The following FBXO28 variants were observed in gnomAD, a reference collection of about 807,000 sequenced individuals.
The protein encoded by FBXO28 is F-box only protein 28.
FBXO28 carries 8 observed loss-of-function variants against 38.1 expected under a neutral mutation model. The observed-to-expected ratio is 0.21, with a 90% CI of 0.12 to 0.38. The LOEUF (loss-of-function observed/expected upper bound fraction) is 0.38, where lower values mean the gene tolerates loss of function less well. Ranked by LOEUF, FBXO28 falls within the 10% of genes least tolerant of loss-of-function variation. The pLI, the probability that FBXO28 is intolerant of heterozygous loss-of-function variation, is 1.00. For synonymous variants in FBXO28, 168 were observed against 173.8 expected (o/e 0.97, Z 0.26); for missense variants, 345 against 460.6 (o/e 0.75, Z 2.30).
At chr1:224,117,164 G>GGT (rs1656660451) in intron 1 of FBXO28, among the ~76,000 whole-genome samples, 1 of 89,302 alleles carries the variant, frequency 1.1e-5, no homozygotes, top group Non-Finnish European at 2.0e-5. Flanking sequence ...AAATAAATTG[G>GGT]ATTTTTTTTT....
intron 1 of FBXO28, among the ~76,000 whole-genome samples, chr1:224,126,390 A>G (rs2102613882): frequency 6.6e-6 from 1 of 152,244 alleles, no homozygotes; most frequent in East Asian, 1.9e-4. Flanking sequence ...TTGCTGCTAA[A>G]AATTATTTCT....
chr1:224,129,609 A>G (rs1169434654), intron 1 of FBXO28, among the ~76,000 whole-genome samples: 5 of 152,234 alleles, frequency 3.3e-5, no homozygotes, highest in Non-Finnish European at 5.9e-5. Context: ...ATGGGAATAC[A>G]TTCAGAATGT....
chr1:224,133,023 T>G (rs1040061587), intron 2 of FBXO28, among the ~76,000 whole-genome samples: 3 of 152,158 alleles, frequency 2.0e-5, no homozygotes, highest in Non-Finnish European at 4.4e-5. Context: ...AAACAAAGTA[T>G]GATATATCTG....
intron 1 of FBXO28, among the ~76,000 whole-genome samples, chr1:224,125,695 G>A (rs1345223881): frequency 1.3e-5 from 2 of 149,008 alleles, no homozygotes; most frequent in Non-Finnish European, 3.0e-5. Context: ...AGGCTGGAGT[G>A]CATTGGTGCC....
At chr1:224,118,739 A>G (rs1025588244) in intron 1 of FBXO28, among the ~76,000 whole-genome samples, 1 of 152,206 alleles carries the variant, frequency 6.6e-6, no homozygotes, top group African/African-American at 2.4e-5. Context: ...TAAGTAGGCA[A>G]GCTGTCTTGT....
intron 1 of FBXO28, among the ~76,000 whole-genome samples, chr1:224,114,712 C>G (rs552047329): frequency 1.3e-5 from 2 of 150,010 alleles, no homozygotes. Flanking sequence ...CCGCCTGGCC[C>G]GAGAGTAGAC....
intron 3 of FBXO28, among the ~76,000 whole-genome samples, chr1:224,136,101 GTT>G (rs397982996): frequency 2.7e-5 from 2 of 75,130 alleles, no homozygotes; most frequent in East Asian, 4.6e-4. Context: ...GTTGACTTCA[GTT>G]TTTTTTTTTT....
chr1:224,145,028 T>G (rs1442539927), intron 3 of FBXO28, among the ~76,000 whole-genome samples: 1 of 151,964 alleles, frequency 6.6e-6, no homozygotes, highest in Non-Finnish European at 1.5e-5. Flanking sequence ...ACACCTATAA[T>G]CCTAGCACTT....
Position 224,157,597 on chromosome 1 carries a change from C to T in FBXO28, c.958C>T (p.Leu320=). Residue 320 remains leucine (L), a synonymous_variant, in exon 5 of 5, where the codon CTA becomes TTA. Coordinates refer to ENST00000366862, the MANE Select transcript of FBXO28 (RefSeq NM_015176.4). Reference sequence around the variant, plus strand: ...TGAACAAAATGCACGGTTGGCAGAGCTAGAACGCAAACTACGAGAAGTAAT... The same window carrying T: ...TGAACAAAATGCACGGTTGGCAGAGTTAGAACGCAAACTACGAGAAGTAAT... The part of the protein sequence containing the change: ...IGEQNARLAE[L]ERKLREVMES... 6.2e-7 allele frequency: 1 copy of T among 1,614,254 alleles called. No homozygotes were observed. The highest frequency in any genetic ancestry group is 8.5e-7 in the Non-Finnish European group (1 of 1,180,048).
intron 3 of FBXO28, among the ~76,000 whole-genome samples, chr1:224,140,527 T>C (rs569209409): frequency 9.8e-5 from 15 of 152,338 alleles, no homozygotes; most frequent in South Asian, 4.1e-4. Flanking sequence ...TTGATTTTAA[T>C]GTGGCGATAC....
chr1:224,152,388 G>A (rs1380335547), intron 3 of FBXO28, among the ~76,000 whole-genome samples: 5 of 152,160 alleles, frequency 3.3e-5, no homozygotes, highest in African/African-American at 9.7e-5. Flanking sequence ...TTCAGGTTTG[G>A]AGGATTAATA....
chr1:224,128,910 C>T (rs1227464478), intron 1 of FBXO28, among the ~76,000 whole-genome samples: 1 of 138,986 alleles, frequency 7.2e-6, no homozygotes, highest in Non-Finnish European at 1.5e-5. Flanking sequence ...TGCTTGTGCC[C>T]AGGGATAGGA....
chr1:224,132,357 C>T (rs1341360136), intron 2 of FBXO28, among the ~76,000 whole-genome samples: 4 of 152,142 alleles, frequency 2.6e-5, no homozygotes, highest in Non-Finnish European at 5.9e-5. Context: ...CAGGGGAATG[C>T]AAATCAAAAC....
chr1:224,142,292 C>T (rs1572019236), intron 3 of FBXO28, among the ~76,000 whole-genome samples: 1 of 149,536 alleles, frequency 6.7e-6, no homozygotes, highest in Middle Eastern at 3.4e-3. Context: ...GTAGAGGTTG[C>T]AGTGAGCTGA....
chr1:224,145,515 A>G (rs1486569046), intron 3 of FBXO28, among the ~76,000 whole-genome samples: 4 of 152,200 alleles, frequency 2.6e-5, no homozygotes, highest in Non-Finnish European at 5.9e-5. Flanking sequence ...ATACTAGGCG[A>G]TGGGAATTTT....
chr1:224,119,427 G>A (rs543147809), intron 1 of FBXO28, among the ~76,000 whole-genome samples: 6 of 151,822 alleles, frequency 4.0e-5, no homozygotes, highest in Non-Finnish European at 5.9e-5. Context: ...ATGAGCCACC[G>A]TGCCCGGCCC....
intron 3 of FBXO28, among the ~76,000 whole-genome samples, chr1:224,152,789 C>T (rs1241303203): frequency 2.6e-5 from 4 of 151,784 alleles, no homozygotes; most frequent in African/African-American, 4.8e-5. Context: ...ATTAGCCACG[C>T]GTGATGGCGG....
At chr1:224,150,811 T>C (rs931348825) in intron 3 of FBXO28, among the ~76,000 whole-genome samples, 4 of 152,196 alleles carry the variant, frequency 2.6e-5, no homozygotes, top group Non-Finnish European at 4.4e-5. Flanking sequence ...TGATAGAAAC[T>C]GTCACATTAC....
chr1:224,141,286 C>T (rs1012173493), intron 3 of FBXO28, among the ~76,000 whole-genome samples: 19 of 151,914 alleles, frequency 1.3e-4, no homozygotes, highest in African/African-American at 4.1e-4. Context: ...TCCTGGCTAA[C>T]AGGTGAAACC....
Sources: gnomAD v4.1 joint callset for allele counts (sites outside exome capture counted in the v4.1 genomes callset) on GRCh38, gnomAD v4.1.1 for gene constraint, MANE v1.5 for transcripts, NCBI Gene and HGNC (gene_info 2026-07-23, HGNC 2026-07-21) for gene names.